The following CNTLN variants were observed in gnomAD, a reference collection of about 807,000 sequenced individuals.
CNTLN encodes the protein centlein, centrosomal protein.
Under a neutral mutation model 180.0 loss-of-function variants are expected in CNTLN, and 212 were observed. That is an observed-to-expected ratio of 1.18 (90% confidence interval 1.05 to 1.32). CNTLN has a LOEUF of 1.32. CNTLN is among the 40% of genes most tolerant of loss of function. The pLI, the probability that CNTLN is intolerant of heterozygous loss-of-function variation, is 0.00. For synonymous variants in CNTLN, 722 were observed against 563.1 expected (o/e 1.28, Z -3.99); for missense variants, 2,095 against 1,610.9 (o/e 1.30, Z -5.14).
intron 10 of CNTLN, among the ~76,000 whole-genome samples, chr9:17,340,272 C>A (rs1238624276): frequency 6.6e-6 from 1 of 152,106 alleles, no homozygotes; most frequent in Non-Finnish European, 1.5e-5. Context: ...CCTAGCTTTC[C>A]CATTCCAGTT....
rs142857470 is a variant in CNTLN, at chr9:17,401,394, C to T, written c.2615+6325C>T. On this transcript the variant is annotated intron_variant, in intron 15 of 25. Transcript: ENST00000380647. ...TATAGAGATTTTTTTTTTTTAATGA[C>T]GTGGAGTCAAGCTCTGTTTCCCAGG... Among the ~76,000 whole-genome samples the T allele has an allele frequency of 3.1e-4, 47 of 151,056 alleles. No individual in the cohort carries two copies. The East Asian group carries it at 7.8e-3, about 25-fold the overall frequency.
intron 5 of CNTLN, among the ~76,000 whole-genome samples, chr9:17,262,707 C>T (rs914263929): frequency 2.0e-5 from 3 of 151,090 alleles, no homozygotes; most frequent in Non-Finnish European, 2.9e-5. Context: ...CAAACCTTCA[C>T]GATCTGCACA....
At chr9:17,183,799 A>C (rs1052379560) in intron 2 of CNTLN, among the ~76,000 whole-genome samples, 1 of 152,116 alleles carries the variant, frequency 6.6e-6, no homozygotes, top group Non-Finnish European at 1.5e-5. Flanking sequence ...ACTTATTTGA[A>C]AATACCTGGA....
intron 13 of CNTLN, among the ~76,000 whole-genome samples, chr9:17,377,136 G>T (rs930677749): frequency 2.0e-5 from 3 of 152,032 alleles, no homozygotes; most frequent in Non-Finnish European, 4.4e-5. Flanking sequence ...AATTTCCTCA[G>T]CTTTAAAGTC....
chr9:17,370,358 A>T (rs1024340605), intron 13 of CNTLN, among the ~76,000 whole-genome samples: 26 of 152,222 alleles, frequency 1.7e-4, no homozygotes, highest in African/African-American at 5.3e-4. Context: ...CTGGCAGCAG[A>T]CTTTTCAGTG....
chr9:17,176,628 C>T (rs1397884953), intron 2 of CNTLN, among the ~76,000 whole-genome samples: 1 of 152,124 alleles, frequency 6.6e-6, no homozygotes, highest in Admixed American at 6.6e-5. Flanking sequence ...GCTTTCTCTT[C>T]TGTTTTCTGG....
chr9:17,483,563 C>T (rs1299204568), intron 23 of CNTLN, among the ~76,000 whole-genome samples: 1 of 152,176 alleles, frequency 6.6e-6, no homozygotes, highest in East Asian at 1.9e-4. Flanking sequence ...TCTAACTAAC[C>T]TGCTCTCAGC....
intron 2 of CNTLN, among the ~76,000 whole-genome samples, chr9:17,216,874 G>C (rs1178296688): frequency 6.6e-6 from 1 of 152,204 alleles, no homozygotes; most frequent in Non-Finnish European, 1.5e-5. Context: ...CAGAACTGTA[G>C]CTGCCAGAAT....
At chr9:17,373,643 A>G (rs182699482) in intron 13 of CNTLN, among the ~76,000 whole-genome samples, 20 of 152,284 alleles carry the variant, frequency 1.3e-4, no homozygotes, top group Admixed American at 9.2e-4. Flanking sequence ...TAAAATTTAT[A>G]TAGAATAAAA....
intron 18 of CNTLN, among the ~76,000 whole-genome samples, chr9:17,439,139 A>T (rs1350287320): frequency 6.6e-6 from 1 of 152,198 alleles, no homozygotes; most frequent in Non-Finnish European, 1.5e-5. Flanking sequence ...GGGAGCAGAG[A>T]GCCTCTAAAA....
intron 23 of CNTLN, among the ~76,000 whole-genome samples, chr9:17,482,414 A>T (rs548798632): frequency 3.4e-4 from 52 of 152,176 alleles, no homozygotes; most frequent in Non-Finnish European, 6.3e-4. Context: ...CTATAAAGAG[A>T]AAACTTTAAA....
chr9:17,221,595 C>T (rs1021396683), intron 2 of CNTLN, among the ~76,000 whole-genome samples: 1 of 152,036 alleles, frequency 6.6e-6, no homozygotes, highest in Non-Finnish European at 1.5e-5. Flanking sequence ...TTTTGTGTGC[C>T]TACATCCAAA....
rs1456172722 is a variant in CNTLN at position 17,391,924 on chromosome 9, A to G, written c.2080-2610A>G. Among the ~76,000 whole-genome samples the G allele has an allele frequency of 3.3e-5, 5 of 152,190 alleles. No homozygotes were observed. In the East Asian group the frequency reaches 7.7e-4, roughly 23 times the overall value. The stretch of plus-strand genomic sequence containing the variant: ...TCACAGATGAGGAAACTAAAGGTAA[A>G]ATAACTTAAATATTTTACCAGCTAA... On this transcript the variant is annotated intron_variant, in intron 14 of 25. Transcript: ENST00000380647.
chr9:17,262,436 G>A (rs181570649), intron 5 of CNTLN, among the ~76,000 whole-genome samples: 5 of 151,492 alleles, frequency 3.3e-5, no homozygotes, highest in African/African-American at 1.2e-4. Context: ...GGACATGGAT[G>A]AAGATGGAAG....
intron 5 of CNTLN, among the ~76,000 whole-genome samples, chr9:17,241,792 A>G (rs796899064): frequency 2.6e-5 from 4 of 152,108 alleles, no homozygotes; most frequent in African/African-American, 9.6e-5. Flanking sequence ...ATTCCTAGGT[A>G]TATAATTTTA....
chr9:17,423,184 A>T (rs1000635562), intron 18 of CNTLN, among the ~76,000 whole-genome samples: 1 of 152,152 alleles, frequency 6.6e-6, no homozygotes, highest in African/African-American at 2.4e-5. Context: ...CTAGCAACAT[A>T]GTGGTTATTG....
intron 16 of CNTLN, among the ~76,000 whole-genome samples, chr9:17,412,991 A>G (rs1032757934): frequency 3.3e-5 from 5 of 152,124 alleles, no homozygotes; most frequent in African/African-American, 1.2e-4. Context: ...AAATTAAATA[A>G]CTATGTTTGC....
chr9:17,292,129 C>A (rs568637584), intron 6 of CNTLN, among the ~76,000 whole-genome samples: 1 of 152,288 alleles, frequency 6.6e-6, no homozygotes, highest in South Asian at 2.1e-4. Context: ...TAATGGCCCC[C>A]AATCTCTTCT....
At chr9:17,199,501 A>G (rs1238131755) in intron 2 of CNTLN, among the ~76,000 whole-genome samples, 1 of 152,078 alleles carries the variant, frequency 6.6e-6, no homozygotes, top group African/African-American at 2.4e-5. Flanking sequence ...GTAAGCCACC[A>G]TGCCCAGCTT....
Sources: gnomAD v4.1 joint callset for allele counts (sites outside exome capture counted in the v4.1 genomes callset) on GRCh38, gnomAD v4.1.1 for gene constraint, MANE v1.5 for transcripts, NCBI Gene and HGNC (gene_info 2026-07-23, HGNC 2026-07-21) for gene names.